The following PCDH15 variants were observed in gnomAD, a reference collection of about 807,000 sequenced individuals.
PCDH15 encodes protocadherin related 15.
A neutral mutation model predicts 178.5 loss-of-function variants in PCDH15; 129 were observed. The observed-to-expected ratio is 0.72, with a 90% CI of 0.63 to 0.84. PCDH15 has a LOEUF of 0.84. Among genes scored for constraint, PCDH15 ranks in the 40% least tolerant of loss-of-function variants. The pLI, the probability that PCDH15 is intolerant of heterozygous loss-of-function variation, is 0.00. For synonymous variants in PCDH15, 800 were observed against 732.0 expected (o/e 1.09, Z -1.50); for missense variants, 2,230 against 2,099.9 (o/e 1.06, Z -1.21).
At chr10:54,035,988 A>G (rs2093408238) in intron 18 of PCDH15, among the ~76,000 whole-genome samples, 1 of 151,972 alleles carries the variant, frequency 6.6e-6, no homozygotes, top group South Asian at 2.1e-4. Flanking sequence ...ACATTCCCGT[A>G]AGCCAAAGCC....
intron 2 of PCDH15, among the ~76,000 whole-genome samples, chr10:54,575,516 G>C (rs1051718009): frequency 2.0e-5 from 3 of 152,050 alleles, no homozygotes; most frequent in African/African-American, 7.2e-5. Context: ...GTTGGTAGCA[G>C]GGTTTAACAA....
At chr10:55,036,305 T>C (rs555539361) in intron 2 of PCDH15, among the ~76,000 whole-genome samples, 1 of 152,260 alleles carries the variant, frequency 6.6e-6, no homozygotes, top group East Asian at 1.9e-4. Context: ...TAGACTGTAG[T>C]GTTCGGTTAT....
In PCDH15 at chr10:54,969,797, A is replaced by G. The variant is rs114238464; in HGVS notation, c.-79-72297T>C. Reference sequence around the variant, plus strand: ...TCCTCTCTAAAGGAACACTGTTCTGATAACCAATATATGAAAATGTGTTTT... The same window carrying G: ...TCCTCTCTAAAGGAACACTGTTCTGGTAACCAATATATGAAAATGTGTTTT... On this transcript the variant is annotated intron_variant, in intron 2 of 5. Coordinates refer to the PCDH15 transcript ENST00000458638. Among the ~76,000 whole-genome samples the G allele has an allele frequency of 7.1e-3, 1,086 of 152,296 alleles. 13 individuals are homozygous for G. Among genetic ancestry groups the G allele is most frequent in the African/African-American group, 0.025 (1,040 of 41,566 alleles).
chr10:53,863,173 G>T (rs535109013), intron 27 of PCDH15, among the ~76,000 whole-genome samples: 1 of 152,146 alleles, frequency 6.6e-6, no homozygotes, highest in Non-Finnish European at 1.5e-5. Flanking sequence ...AAGTATGAGC[G>T]CTTTTACTAT....
intron 2 of PCDH15, among the ~76,000 whole-genome samples, chr10:55,089,946 A>G (rs1842272628): frequency 6.6e-6 from 1 of 152,114 alleles, no homozygotes; most frequent in South Asian, 2.1e-4. Context: ...ACTTTTAGTT[A>G]CCAGTGTGTG....
intron 3 of PCDH15, among the ~76,000 whole-genome samples, chr10:54,417,977 A>G (rs1954695642): frequency 6.6e-6 from 1 of 152,102 alleles, no homozygotes; most frequent in African/African-American, 2.4e-5. Context: ...TCAAAGGTGC[A>G]ATAAAGTGCG....
At chr10:54,263,434 A>G (rs779113684) in intron 8 of PCDH15, among the ~76,000 whole-genome samples, 1 of 152,152 alleles carries the variant, frequency 6.6e-6, no homozygotes, top group African/African-American at 2.4e-5. Context: ...AGCTCTTCCC[A>G]TAAGGTCCTA....
intron 1 of PCDH15, among the ~76,000 whole-genome samples, chr10:54,675,414 A>T (rs2094765128): frequency 6.6e-6 from 1 of 151,478 alleles, no homozygotes; most frequent in Admixed American, 6.6e-5. Context: ...TAAGTGAAAG[A>T]CATAATTTCA....
intron 2 of PCDH15, among the ~76,000 whole-genome samples, chr10:55,588,236 G>A (rs1226945654): frequency 6.6e-6 from 1 of 152,082 alleles, no homozygotes; most frequent in African/African-American, 2.4e-5. Context: ...ACAGCAATAA[G>A]GAATTCCAGA....
chr10:53,862,133 C>G (rs1241615492), intron 27 of PCDH15, among the ~76,000 whole-genome samples: 1 of 151,880 alleles, frequency 6.6e-6, no homozygotes, highest in Non-Finnish European at 1.5e-5. Flanking sequence ...CTCACAGAAA[C>G]CTCTGCCTCC....
At chr10:54,863,367 C>T (rs1407951315) in intron 3 of PCDH15, among the ~76,000 whole-genome samples, 1 of 151,998 alleles carries the variant, frequency 6.6e-6, no homozygotes, top group Non-Finnish European at 1.5e-5. Context: ...AAGGTGAAAC[C>T]CCGTCTCTAC....
In PCDH15 at chr10:55,062,799, A is replaced by AGGATATT. The variant is rs1251652783; in HGVS notation, c.-80+103770_-80+103776dup. Reference sequence around the variant, plus strand: ...TGCAACATATGTACCACTCTAGTGGAGGATATTGGTAATAGTGGAGGTTGT... The same window carrying AGGATATT: ...TGCAACATATGTACCACTCTAGTGGAGGATATTGGATATTGGTAATAGTGGAGGTTGT... On this transcript the variant is annotated intron_variant, in intron 2 of 5. Transcript: ENST00000458638. Among the ~76,000 whole-genome samples the AGGATATT allele has an allele frequency of 2.0e-5, 3 of 152,112 alleles. 1 individual carries two copies. The highest frequency in any genetic ancestry group is 7.2e-5 in the African/African-American group (3 of 41,402).
intron 2 of PCDH15, among the ~76,000 whole-genome samples, chr10:54,952,952 T>G (rs1591803373): frequency 6.6e-6 from 1 of 151,790 alleles, no homozygotes; most frequent in East Asian, 1.9e-4. Flanking sequence ...AAGACAGTTT[T>G]ATTCTTTTCT....
At chr10:53,871,590 C>T (rs991056909) in intron 26 of PCDH15, among the ~76,000 whole-genome samples, 9 of 151,666 alleles carry the variant, frequency 5.9e-5, no homozygotes, top group Non-Finnish European at 8.8e-5. Flanking sequence ...TTATGTTTAT[C>T]CATGAATATG....
At chr10:55,405,230 A>C (rs997262134) in intron 2 of PCDH15, among the ~76,000 whole-genome samples, 4 of 145,786 alleles carry the variant, frequency 2.7e-5, no homozygotes, top group Admixed American at 7.1e-5. Flanking sequence ...ATCTATGCAC[A>C]CAATACCCAC....
chr10:54,305,746 C>A (rs1224213689), intron 8 of PCDH15, among the ~76,000 whole-genome samples: 1 of 151,682 alleles, frequency 6.6e-6, no homozygotes, highest in Non-Finnish European at 1.5e-5. Context: ...ATTAGGGAAG[C>A]CTTTTTTAAG....
In PCDH15 at chr10:53,823,152, T is replaced by G. The variant is rs1203459057; in HGVS notation, c.4368-2922A>C. On this transcript the variant is annotated intron_variant, in intron 32 of 37. Coordinates refer to ENST00000644397, the MANE Select transcript of PCDH15 (RefSeq NM_001384140.1). ...TATGTTTTCCTTATAAAGGGGATTA[T>G]GGGCACTTAAGTCATCCTCATCAGA... 1.2e-6 allele frequency: 2 copies of G among 1,613,908 alleles called. No homozygotes were observed. Among genetic ancestry groups the G allele is most frequent in the African/African-American group, 2.7e-5 (2 of 74,926 alleles).
At chr10:54,327,943 A>G (rs190254653) in intron 7 of PCDH15, among the ~76,000 whole-genome samples, 57 of 152,220 alleles carry the variant, frequency 3.7e-4, no homozygotes, top group African/African-American at 1.3e-3. Flanking sequence ...AAAGTTGTAC[A>G]TTGGTTACAA....
chr10:55,507,878 T>C (rs1327324544), intron 2 of PCDH15, among the ~76,000 whole-genome samples: 3 of 151,632 alleles, frequency 2.0e-5, no homozygotes, highest in African/African-American at 7.3e-5. Context: ...AGATCCAAAT[T>C]AAAATTATTC....
Sources: gnomAD v4.1 joint callset for allele counts (sites outside exome capture counted in the v4.1 genomes callset) on GRCh38, gnomAD v4.1.1 for gene constraint, MANE v1.5 for transcripts, NCBI Gene and HGNC (gene_info 2026-07-23, HGNC 2026-07-21) for gene names.